Variants in GPC5 observed in about 807,000 individuals in gnomAD.
GPC5 encodes glypican 5.
Under a neutral mutation model 53.9 loss-of-function variants are expected in GPC5, and 47 were observed. The observed-to-expected ratio is 0.87, with a 90% confidence interval of 0.69 to 1.11. The LOEUF (loss-of-function observed/expected upper bound fraction) is 1.11, where lower values mean the gene tolerates loss of function less well. Among genes scored for constraint, GPC5 ranks in the 50% most tolerant of loss-of-function variants. The pLI, the probability that GPC5 is intolerant of heterozygous loss-of-function variation, is 0.00. For missense variants in GPC5, 748 were observed against 713.1 expected (o/e 1.05, Z -0.56); for synonymous variants, 286 against 263.3 (o/e 1.09, Z -0.84).
intron 7 of GPC5, among the ~76,000 whole-genome samples, chr13:92,457,660 C>T (rs1275039202): frequency 2.0e-5 from 3 of 152,170 alleles, no homozygotes; most frequent in Admixed American, 1.3e-4. Flanking sequence ...TTGTGTATCT[C>T]GCTAGCTCAA....
intron 7 of GPC5, among the ~76,000 whole-genome samples, chr13:92,442,532 A>G (rs1206693735): frequency 6.6e-6 from 1 of 152,118 alleles, no homozygotes; most frequent in Non-Finnish European, 1.5e-5. Context: ...TTATTTTTAA[A>G]TGTATATATC....
chr13:92,409,281 ATATAAT>A (rs1377853946), intron 7 of GPC5, among the ~76,000 whole-genome samples: 1 of 151,956 alleles, frequency 6.6e-6, no homozygotes, highest in African/African-American at 2.4e-5. Flanking sequence ...CAATGCTAAA[ATATAAT>A]TATAAAAATA....
intron 7 of GPC5, among the ~76,000 whole-genome samples, chr13:92,159,764 T>G (rs1302970897): frequency 6.6e-6 from 1 of 150,752 alleles, no homozygotes; most frequent in Non-Finnish European, 1.5e-5. Flanking sequence ...CACCACGCCC[T>G]GCTAATTTTT....
intron 7 of GPC5, among the ~76,000 whole-genome samples, chr13:92,356,111 C>G (rs2043519759): frequency 6.6e-6 from 1 of 152,112 alleles, no homozygotes; most frequent in Admixed American, 6.5e-5. Context: ...CAAAGTCCTA[C>G]CTGGCCAGAA....
At chr13:92,547,700 G>A (rs1175627125) in intron 7 of GPC5, among the ~76,000 whole-genome samples, 4 of 151,716 alleles carry the variant, frequency 2.6e-5, no homozygotes, top group Non-Finnish European at 5.9e-5. Context: ...CAAGCAAGAG[G>A]GCATAAAACC....
intron 7 of GPC5, among the ~76,000 whole-genome samples, chr13:92,180,035 T>C (rs971863575): frequency 2.0e-5 from 3 of 152,194 alleles, no homozygotes; most frequent in Non-Finnish European, 2.9e-5. Context: ...CACTAATCTC[T>C]CAGTTGTGGT....
At chr13:92,668,570 T>C (rs1203610789) in intron 7 of GPC5, among the ~76,000 whole-genome samples, 1 of 152,178 alleles carries the variant, frequency 6.6e-6, no homozygotes, top group Non-Finnish European at 1.5e-5. Context: ...TTTTCTATTC[T>C]TTCTTAGCTT....
At position 91,399,009 on chromosome 13, in the gene GPC5, G is replaced by A; in HGVS notation, c.-38G>A. ...TCAGCCAGGGCGCGCAGGGCGAGTG[G>A]GGTCCACTGGCGGGTAAAGGGGACC... On this transcript the variant is annotated 5_prime_UTR_variant, in exon 1 of 8. Transcript: ENST00000377067. 6.5e-7 allele frequency: 1 copy of A among 1,536,398 alleles called. No individual in the cohort carries two copies. The highest frequency in any genetic ancestry group is 8.8e-7 in the Non-Finnish European group (1 of 1,137,282).
At chr13:91,738,784 T>G (rs1249858793) in intron 4 of GPC5, among the ~76,000 whole-genome samples, 1 of 151,486 alleles carries the variant, frequency 6.6e-6, no homozygotes, top group Non-Finnish European at 1.5e-5. Flanking sequence ...TAGGATAGTT[T>G]CACTCCATTA....
chr13:91,879,192 G>T (rs1012546922), intron 5 of GPC5, among the ~76,000 whole-genome samples: 1 of 151,996 alleles, frequency 6.6e-6, no homozygotes, highest in Non-Finnish European at 1.5e-5. Flanking sequence ...GGACGTGCAG[G>T]TTTGTTATAT....
chr13:91,879,067 A>G (rs750504787), intron 5 of GPC5, among the ~76,000 whole-genome samples: 3 of 152,128 alleles, frequency 2.0e-5, no homozygotes, highest in Non-Finnish European at 4.4e-5. Flanking sequence ...CATATCACAG[A>G]GAACTTATAA....
intron 2 of GPC5, among the ~76,000 whole-genome samples, chr13:91,498,239 ATT>A (rs60732957): frequency 0.15 from 17,006 of 109,838 alleles, 930 homozygotes; most frequent in African/African-American, 0.23. Flanking sequence ...CTACCCAAAG[ATT>A]TTTTTTTTTT....
chr13:92,304,282 G>A (rs2043095837), intron 7 of GPC5, among the ~76,000 whole-genome samples: 1 of 151,124 alleles, frequency 6.6e-6, no homozygotes, highest in Admixed American at 6.6e-5. Flanking sequence ...TTGGCTCACT[G>A]CAAGCTCCAC....
At chr13:91,966,161 T>A (rs1272176662) in intron 6 of GPC5, among the ~76,000 whole-genome samples, 2 of 152,188 alleles carry the variant, frequency 1.3e-5, no homozygotes, top group African/African-American at 2.4e-5. Flanking sequence ...ACCAGAAAAG[T>A]TCATTTTCAG....
intron 7 of GPC5, among the ~76,000 whole-genome samples, chr13:92,374,299 C>T (rs1341991792): frequency 6.6e-6 from 1 of 152,022 alleles, no homozygotes; most frequent in African/African-American, 2.4e-5. Context: ...AGCTCTCTTA[C>T]CCTGGTATTT....
intron 3 of GPC5, among the ~76,000 whole-genome samples, chr13:91,700,739 G>A (rs1234489052): frequency 6.6e-6 from 1 of 152,088 alleles, no homozygotes; most frequent in African/African-American, 2.4e-5. Flanking sequence ...AAATGTAAAA[G>A]GAAAAAGAAC....
intron 2 of GPC5, among the ~76,000 whole-genome samples, chr13:91,615,138 G>A (rs998413149): frequency 6.6e-6 from 1 of 152,166 alleles, no homozygotes; most frequent in Non-Finnish European, 1.5e-5. Flanking sequence ...CTCACAGGAT[G>A]TTTTAATTAA....
intron 7 of GPC5, among the ~76,000 whole-genome samples, chr13:92,320,479 T>C (rs12871876): frequency 0.013 from 2,010 of 152,286 alleles, 33 homozygotes; most frequent in Middle Eastern, 0.048. Flanking sequence ...ATCAATGTTA[T>C]GTCATTTTGC....
intron 7 of GPC5, among the ~76,000 whole-genome samples, chr13:92,579,191 G>A (rs554183813): frequency 3.4e-4 from 51 of 150,794 alleles, no homozygotes; most frequent in South Asian, 8.4e-4. Context: ...TAGAAGGGCC[G>A]TCCTCCCTGA....
Sources: gnomAD v4.1 joint callset for allele counts (sites outside exome capture counted in the v4.1 genomes callset) on GRCh38, gnomAD v4.1.1 for gene constraint, MANE v1.5 for transcripts, NCBI Gene and HGNC (gene_info 2026-07-23, HGNC 2026-07-21) for gene names.